Variants in SDK1 observed in about 807,000 individuals in gnomAD.
SDK1 encodes sidekick cell adhesion molecule 1.
SDK1 carries 157 observed loss-of-function variants against 245.5 expected under a neutral mutation model. The ratio of observed to expected loss-of-function variants is 0.64; its 90% CI spans 0.56 to 0.73. SDK1 has a LOEUF of 0.73. Ranked by LOEUF, SDK1 falls within the 30% of genes least tolerant of loss-of-function variation. The probability of loss-of-function intolerance (pLI) is 0.00; values close to 1 mark genes in which losing one functional copy is unlikely to be tolerated. For synonymous variants in SDK1, 1,647 were observed against 1,278.5 expected, an observed-to-expected ratio of 1.29 and a Z score of -6.15; for missense variants, 3,583 against 3,002.3, an observed-to-expected ratio of 1.19 and a Z score of -4.52.
chr7:3,732,000 C>T (rs1387608226), intron 4 of SDK1, among the ~76,000 whole-genome samples: 1 of 152,212 alleles, frequency 6.6e-6, no homozygotes, highest in South Asian at 2.1e-4. Flanking sequence ...CCGTGTTGGT[C>T]AGGGTGGTCT....
At chr7:3,631,859 C>A (rs939783347) in intron 2 of SDK1, among the ~76,000 whole-genome samples, 1 of 152,142 alleles carries the variant, frequency 6.6e-6, no homozygotes, top group Non-Finnish European at 1.5e-5. Flanking sequence ...GACAAATACT[C>A]CCGAGTGAGA....
intron 5 of SDK1, among the ~76,000 whole-genome samples, chr7:3,866,403 G>T (rs1362795084): frequency 1.3e-5 from 2 of 152,192 alleles, no homozygotes. Flanking sequence ...TCCAGAGAGT[G>T]ATCTGTGCTT....
rs115955043 is a variant in SDK1, at chr7:3,759,943, G to T, written c.714-61507G>T. ...GCATTCTTTTGTTTTACAATTTGCT[G>T]TGCTATATATTTCCTTTTCCCATCA... is the stretch of plus-strand genomic sequence containing the variant. On this transcript the variant is annotated intron_variant, in intron 4 of 44. Coordinates refer to ENST00000404826, the MANE Select transcript of SDK1 (RefSeq NM_152744.4). 4.8e-3 allele frequency among the ~76,000 whole-genome samples: 728 copies of T among 152,126 alleles called. 7 individuals carry two copies. The highest frequency in any genetic ancestry group is 0.017 in the African/African-American group (703 of 41,482).
chr7:3,389,692 G>A (rs866530806), intron 1 of SDK1, among the ~76,000 whole-genome samples: 3 of 152,244 alleles, frequency 2.0e-5, no homozygotes, highest in Admixed American at 2.0e-4. Flanking sequence ...TTGAGCCTGG[G>A]AGGTAGAGGG....
intron 4 of SDK1, among the ~76,000 whole-genome samples, chr7:3,754,848 T>C (rs942655277): frequency 6.6e-6 from 1 of 152,004 alleles, no homozygotes; most frequent in African/African-American, 2.4e-5. Context: ...AGTTCAAAAG[T>C]TTTGGTGGTT....
intron 5 of SDK1, among the ~76,000 whole-genome samples, chr7:3,839,072 C>G (rs933366972): frequency 3.9e-5 from 6 of 152,162 alleles, no homozygotes; most frequent in African/African-American, 1.4e-4. Context: ...GGATGGTTCT[C>G]AGGGAATCCA....
intron 4 of SDK1, among the ~76,000 whole-genome samples, chr7:3,742,199 G>A (rs568159097): frequency 3.4e-4 from 50 of 145,980 alleles, no homozygotes; most frequent in East Asian, 1.4e-3. Flanking sequence ...AATGTTTTCC[G>A]TATCTCTGGC....
chr7:3,512,579 A>G (rs1782617489), intron 1 of SDK1, among the ~76,000 whole-genome samples: 1 of 152,204 alleles, frequency 6.6e-6, no homozygotes, highest in Non-Finnish European at 1.5e-5. Context: ...CCCCAGCAGC[A>G]ATGACTGAGA....
chr7:3,357,904 T>G (rs989126593), intron 1 of SDK1, among the ~76,000 whole-genome samples: 1 of 152,200 alleles, frequency 6.6e-6, no homozygotes, highest in African/African-American at 2.4e-5. Context: ...CTAAATTACA[T>G]TTGCTTTAAA....
intron 1 of SDK1, among the ~76,000 whole-genome samples, chr7:3,355,009 C>A (rs1004597314): frequency 6.6e-6 from 1 of 152,176 alleles, no homozygotes; most frequent in Non-Finnish European, 1.5e-5. Context: ...TATAATTAAG[C>A]TACAGTTTAT....
intron 18 of SDK1, among the ~76,000 whole-genome samples, chr7:4,051,379 CATT>C (rs1440555526): frequency 1.3e-5 from 2 of 149,174 alleles, no homozygotes; most frequent in Non-Finnish European, 3.0e-5. Context: ...AGGGAGTGTC[CATT>C]ATTCTAATAT....
At chr7:4,185,423 G>C (rs1312274348) in intron 35 of SDK1, among the ~76,000 whole-genome samples, 1 of 152,158 alleles carries the variant, frequency 6.6e-6, no homozygotes, top group Admixed American at 6.5e-5. Context: ...CTCCTGCCCA[G>C]ACCCCAAGCA....
chr7:3,322,333 G>A (rs921453474), intron 1 of SDK1, among the ~76,000 whole-genome samples: 2 of 152,156 alleles, frequency 1.3e-5, no homozygotes, highest in Non-Finnish European at 2.9e-5. Flanking sequence ...TTTTATGACT[G>A]AATAATATTC....
intron 4 of SDK1, among the ~76,000 whole-genome samples, chr7:3,759,682 C>T (rs1238110663): frequency 6.6e-6 from 1 of 151,962 alleles, no homozygotes; most frequent in Non-Finnish European, 1.5e-5. Flanking sequence ...ACCTCCACCT[C>T]CCGGGTTCAG....
At chr7:4,079,806 T>C (rs1257252416) in intron 22 of SDK1, among the ~76,000 whole-genome samples, 1 of 152,122 alleles carries the variant, frequency 6.6e-6, no homozygotes, top group Non-Finnish European at 1.5e-5. Context: ...AAGACAAGGA[T>C]AAGAAGGGTT....
At chr7:3,479,713 T>C (rs1781454558) in intron 1 of SDK1, among the ~76,000 whole-genome samples, 1 of 151,622 alleles carries the variant, frequency 6.6e-6, no homozygotes, top group Non-Finnish European at 1.5e-5. Context: ...AATACAAAAT[T>C]TAGCTGGGCA....
rs760249430 is a variant in SDK1, at chr7:4,114,142, G to T, written c.3691G>T (p.Asp1231Tyr). ...CTCAGCAGTGGCCCAAGTCGTCAGT[G>T]ACCGGCTGGAGAGAGAATTCACCAT... is the stretch of plus-strand genomic sequence containing the variant. ...QSSAVAQVVSDRLEREFTIEE... is the reference protein window; with the variant it reads ...QSSAVAQVVSYRLEREFTIEE... The change falls in exon 25 of 45, where the codon GAC becomes TAC. Residue 1231 changes from aspartate (D) to tyrosine (Y), a missense_variant. Coordinates refer to ENST00000404826, the MANE Select transcript of SDK1 (RefSeq NM_152744.4). The T allele has an allele frequency of 1.2e-6, 2 of 1,614,234 alleles. No individual in the cohort carries two copies. The highest frequency in any genetic ancestry group is 1.1e-5 in the South Asian group (1 of 91,080).
At chr7:4,015,488 A>G (rs1329941498) in intron 16 of SDK1, among the ~76,000 whole-genome samples, 2 of 152,168 alleles carry the variant, frequency 1.3e-5, no homozygotes, top group Non-Finnish European at 2.9e-5. Flanking sequence ...TCTTTTGTAG[A>G]TGGTGAATGT....
chr7:3,753,955 T>C (rs1469425777), intron 4 of SDK1, among the ~76,000 whole-genome samples: 1 of 152,226 alleles, frequency 6.6e-6, no homozygotes, highest in Non-Finnish European at 1.5e-5. Flanking sequence ...TAATTAATGA[T>C]TTGATGAGGA....
Sources: gnomAD v4.1 joint callset for allele counts (sites outside exome capture counted in the v4.1 genomes callset) on GRCh38, gnomAD v4.1.1 for gene constraint, MANE v1.5 for transcripts, NCBI Gene and HGNC (gene_info 2026-07-23, HGNC 2026-07-21) for gene names.